OS9: variants seen among roughly 807,000 people sequenced by gnomAD.
The protein encoded by OS9 is OS9 endoplasmic reticulum lectin, also known as protein OS-9.
A neutral mutation model predicts 84.7 loss-of-function variants in OS9; 58 were observed. That is an observed-to-expected ratio of 0.68 (90% CI 0.55 to 0.85). The LOEUF (loss-of-function observed/expected upper bound fraction) is 0.85. Among genes scored for constraint, OS9 ranks in the 40% least tolerant of loss-of-function variants. The pLI, the probability that OS9 is intolerant of heterozygous loss-of-function variation, is 0.00. For missense variants in OS9, 760 were observed against 850.9 expected (o/e 0.89, Z 1.33); for synonymous variants, 278 against 320.8 (o/e 0.87, Z 1.43).
At position 57,695,857 on chromosome 12, in the gene OS9, A is replaced by G. The variant is rs778036667; in HGVS notation, c.403+14A>G. ...ACCACATGGAAGGTAACTCACTCCT[A>G]TATTTTCCTTAAGCCCTTAGTGTCA... On this transcript the variant is annotated intron_variant, in intron 3 of 14. Coordinates refer to ENST00000315970, the MANE Select transcript of OS9 (RefSeq NM_006812.4). The G allele has an allele frequency of 1.6e-5, 25 of 1,603,598 alleles. No homozygotes were observed. The highest frequency in any genetic ancestry group is 2.1e-5 in the Non-Finnish European group (24 of 1,170,518).
At chr12:57,695,073 A>G (rs1958567954) in intron 2 of OS9, 147 bp downstream of exon 2, 7 of 659,424 alleles carry the variant, frequency 1.1e-5, no homozygotes, top group Non-Finnish European at 1.8e-5. Context: ...CGGACAGGAA[A>G]GAAGCAAAGA....
At position 57,696,383 on chromosome 12, in the gene OS9, G is replaced by A. The variant is rs760444260; in HGVS notation, c.579+10G>A. ...GGAGGCCGAGGTTCGGGTGAGTCTT[G>A]AGAGAGGGAAGTTGACACTCCCACA... is the stretch of plus-strand genomic sequence containing the variant. On this transcript the variant is annotated intron_variant, in intron 5 of 14. Transcript: ENST00000315970. The A allele has an allele frequency of 6.7e-7, 1 of 1,487,100 alleles. No individual in the cohort carries two copies. The highest frequency in any genetic ancestry group is 1.1e-5 in the South Asian group (1 of 87,698). 92.1% of individuals were successfully genotyped at this position (1,487,100 alleles called of 1,614,324 possible).
In OS9 at chr12:57,715,932, A is replaced by G. The variant is rs1954474756; in HGVS notation, c.752A>G (p.Gln251Arg). The G allele has an allele frequency of 6.2e-7, 1 of 1,612,974 alleles. No individual in the cohort carries two copies. The highest frequency in any genetic ancestry group is 1.1e-5 in the South Asian group (1 of 90,896). The change falls in exon 6 of 15, where the codon CAG (glutamine) becomes CGG (arginine). Residue 251 changes from glutamine (Q) to arginine (R), a missense_variant. Coordinates refer to ENST00000315970, the MANE Select transcript of OS9 (RefSeq NM_006812.4). ...PQAILCHPSL[Q>R]PEEYMAYVQR... is the part of the protein sequence containing the mutation. ...GCCATCCTCTGTCACCCTTCCCTAC[A>G]GCCTGAGGAGTACATGGCCTACGTT...
intron 5 of OS9, among the ~76,000 whole-genome samples, chr12:57,705,628 G>A (rs1954143612): frequency 6.6e-6 from 1 of 152,152 alleles, no homozygotes; most frequent in Admixed American, 6.5e-5. Flanking sequence ...CCAGGTTCAA[G>A]TGATTCTCTG....
chr12:57,716,868 A>G (rs1276008727), intron 9 of OS9, 124 bp downstream of exon 9: 7 of 778,376 alleles, frequency 9.0e-6, no homozygotes, highest in Admixed American at 1.9e-5. Context: ...ATTCATTTTT[A>G]TAGGAGTTAA....
intron 4 of OS9, 59 bp downstream of exon 4, chr12:57,696,097 CAAG>C: frequency 1.5e-6 from 2 of 1,370,498 alleles, no homozygotes; most frequent in South Asian, 1.2e-5. Flanking sequence ...AGAGCCCTGA[CAAG>C]AAGGGGAGGG....
chr12:57,716,404 T>C lies in OS9; in HGVS notation c.893-8T>C. 6.5e-7 allele frequency: 1 copy of C among 1,549,716 alleles called. No individual in the cohort carries two copies. Among genetic ancestry groups the C allele is most frequent in the Non-Finnish European group, 8.7e-7 (1 of 1,144,486 alleles). ...CAGATCAGTCTCTCCCTGTTCTCTG[T>C]ACCCTAGGTGCGAGCCCGACCAAGG... On this transcript the variant is annotated splice_region_variant and splice_polypyrimidine_tract_variant and intron_variant, in intron 7 of 14. Coordinates refer to ENST00000315970, the MANE Select transcript of OS9 (RefSeq NM_006812.4).
At position 57,719,078 on chromosome 12, in the gene OS9, A is replaced by C; in HGVS notation, c.1496A>C (p.Lys499Thr). Residue 499 changes from lysine (K) to threonine (T), a missense_variant, in exon 12 of 15, where the codon AAA becomes ACA. Lys to Thr is a moderately conservative substitution (Grantham distance 78). Coordinates refer to ENST00000315970, the MANE Select transcript of OS9 (RefSeq NM_006812.4). Reference protein sequence around the residue: ...AMLALTSTLNKLIKRLEEKQS... With the variant: ...AMLALTSTLNTLIKRLEEKQS... ...CTGGCTCTCACATCCACTCTCAACA[A>C]ACTCATCAAAAGACTGGAGGAAAAA... The C allele has an allele frequency of 6.2e-7, 1 of 1,614,022 alleles. No individual in the cohort carries two copies.
At chr12:57,709,861 CT>C (rs34427214) in intron 5 of OS9, among the ~76,000 whole-genome samples, 5 of 148,836 alleles carry the variant, frequency 3.4e-5, no homozygotes, top group African/African-American at 1.2e-4. Flanking sequence ...TTTGTTATTA[CT>C]TTTTTTTTGA....
rs749101342 is a variant in OS9 at position 57,715,881 on chromosome 12, G to C, written c.701G>C (p.Arg234Pro). ...TPRLCPHPLL[R>P]PPPSAAPQAI... ...CGGCTCTGCCCCCACCCTCTCCTCC[G>C]GCCCCCACCCAGTGCTGCACCGCAG... is the stretch of plus-strand genomic sequence containing the variant. The change falls in exon 6 of 15, where the codon CGG becomes CCG. Residue 234 changes from arginine to proline, a missense_variant. Coordinates refer to ENST00000315970, the MANE Select transcript of OS9 (RefSeq NM_006812.4). 1 of 1,612,712 alleles carries C rather than the reference G, an allele frequency of 6.2e-7. No individual in the cohort carries two copies. The highest frequency in any genetic ancestry group is 2.2e-5 in the East Asian group (1 of 44,878).
In OS9 at chr12:57,720,797, A is replaced by T; in HGVS notation, c.1892A>T (p.Glu631Val). 1.2e-6 allele frequency: 2 copies of T among 1,611,270 alleles called. No homozygotes were observed. The highest frequency in any genetic ancestry group is 1.7e-6 in the Non-Finnish European group (2 of 1,178,446). Reference protein sequence around the residue: ...IFFNILVPGAEEAQKERQRQK... With the variant: ...IFFNILVPGAVEAQKERQRQK... ...CTCTCCCACCAGGTGCCGGGAGCTG[A>T]AGAGGCCCAGAAGGAACGCCAGCGG... is the stretch of plus-strand genomic sequence containing the variant. Residue 631 changes from glutamate to valine, a missense_variant, in exon 15 of 15, where the codon GAA becomes GTA. Coordinates refer to ENST00000315970, the MANE Select transcript of OS9 (RefSeq NM_006812.4).
At chr12:57,697,920 C>CGCAACCTA (rs1555192641) in intron 5 of OS9, among the ~76,000 whole-genome samples, 2 of 81,122 alleles carry the variant, frequency 2.5e-5, no homozygotes, top group Non-Finnish European at 2.6e-5. Context: ...CACACACACA[C>CGCAACCTA]ACATACACAC....
In OS9 at chr12:57,715,802, G is replaced by T; in HGVS notation, c.622G>T (p.Asp208Tyr). Residue 208 changes from aspartate (D) to tyrosine (Y), a missense_variant, in exon 6 of 15, where the codon GAT becomes TAT. By Grantham distance (160) the Asp-to-Tyr change is radical. Coordinates refer to ENST00000315970, the MANE Select transcript of OS9 (RefSeq NM_006812.4). ...EGAGISGDYIDRVDEPLSCSY... is the reference protein window; with the variant it reads ...EGAGISGDYIYRVDEPLSCSY... ...TGCAGGTATCTCTGGGGACTACATC[G>T]ATCGCGTGGACGAGCCCTTGTCCTG... 1.2e-6 allele frequency: 2 copies of T among 1,613,658 alleles called. No individual in the cohort carries two copies. The highest frequency in any genetic ancestry group is 2.2e-5 in the South Asian group (2 of 90,980).
Position 57,708,508 on chromosome 12 carries a change from G to A in OS9, c.580-7252G>A, listed in dbSNP as rs549483202. 1.3e-4 allele frequency among the ~76,000 whole-genome samples: 19 copies of A among 151,854 alleles called. No homozygotes were observed. The South Asian group carries it at 3.7e-3, about 30-fold the overall frequency. ...CCAGGTGTGGTAGTGTGTGCCTGTG[G>A]TCCCAGCTGCTCAGGAGGCTGATAA... On this transcript the variant is annotated intron_variant, in intron 5 of 14. Transcript: ENST00000315970.
chr12:57,716,388 C>A (rs748257157), intron 7 of OS9, 24 bp from the exon 8 acceptor site: 6 of 1,527,980 alleles, frequency 3.9e-6, no homozygotes, highest in Non-Finnish European at 5.3e-6. Context: ...TCAGATCAGT[C>A]TCTCCCTGTT....
intron 5 of OS9, among the ~76,000 whole-genome samples, chr12:57,707,240 T>G (rs549086197): frequency 6.6e-6 from 1 of 152,354 alleles, no homozygotes; most frequent in South Asian, 2.1e-4. Context: ...TGTTGTTCAT[T>G]TAGTATTTCA....
rs373535216 is a variant in OS9 at position 57,716,008 on chromosome 12, C to G, written c.790+38C>G. 5.0e-6 allele frequency: 8 copies of G among 1,600,668 alleles called. No individual in the cohort carries two copies. The African/African-American group carries it at 1.1e-4, about 21-fold the overall frequency. On this transcript the variant is annotated intron_variant, in intron 6 of 14. Transcript: ENST00000315970. ...AGAAGGAGGAGAAGACGGGGAGATA[C>G]GGGGGCAGGGGGTGGCAAAAGATCA...
intron 1 of OS9, 70 bp downstream of exon 1, chr12:57,694,393 A>G: frequency 6.6e-7 from 1 of 1,519,040 alleles, no homozygotes; most frequent in Non-Finnish European, 9.1e-7. Context: ...GAAGAAGGGC[A>G]GCTCCGGAGT....
intron 5 of OS9, among the ~76,000 whole-genome samples, chr12:57,696,744 C>T (rs1421945249): frequency 5.3e-5 from 8 of 151,616 alleles, no homozygotes; most frequent in African/African-American, 1.7e-4. Flanking sequence ...TGCAGTGAGC[C>T]GAGGTCGTGC....
Sources: allele counts gnomAD v4.1 joint callset (sites outside exome capture counted in the v4.1 genomes callset), GRCh38; gene constraint gnomAD v4.1.1; transcripts MANE v1.5; gene names NCBI Gene and HGNC (gene_info 2026-07-23, HGNC 2026-07-21).